The following FANCC variants were observed in gnomAD, a reference collection of about 807,000 sequenced individuals.
FANCC encodes FA complementation group C, also known as Fanconi anemia group C protein.
A neutral mutation model predicts 71.3 loss-of-function variants in FANCC; 55 were observed. That is an observed-to-expected ratio of 0.77 (90% CI 0.62 to 0.97). The LOEUF (loss-of-function observed/expected upper bound fraction) is 0.97. Ranked by LOEUF, FANCC falls within the 50% of genes least tolerant of loss-of-function variation. The pLI, the probability that FANCC is intolerant of heterozygous loss-of-function variation, is 0.00. For missense variants in FANCC, 678 were observed against 670.9 expected, an observed-to-expected ratio of 1.01 and a Z score of -0.12; for synonymous variants, 275 against 244.9, an observed-to-expected ratio of 1.12 and a Z score of -1.15.
At chr9:95,135,663 T>C in intron 7 of FANCC, 161 bp from the exon 8 acceptor site, 2 of 636,236 alleles carry the variant, frequency 3.1e-6, no homozygotes, top group Middle Eastern at 4.3e-4. Context: ...ATTTACCAAG[T>C]GCTCATTTGC....
chr9:95,206,023 G>A (rs1046296955), intron 4 of FANCC, among the ~76,000 whole-genome samples: 7 of 152,148 alleles, frequency 4.6e-5, no homozygotes, highest in Admixed American at 6.5e-5. Context: ...TTCAGCTTTT[G>A]TGCTGAAACA....
rs376447014 is a variant in FANCC, at chr9:95,247,537, T to G, written c.166-21A>C. The G allele has an allele frequency of 1.4e-5, 22 of 1,589,052 alleles. No homozygotes were observed. In the African/African-American group the frequency reaches 2.7e-4, roughly 19 times the overall value. Reference sequence around the variant, plus strand: ...GAATCCTGTGAAAGAAAAATAAATTTTGGTCAGTAAAGGCATTATGCAACT... The same window carrying G: ...GAATCCTGTGAAAGAAAAATAAATTGTGGTCAGTAAAGGCATTATGCAACT... On this transcript the variant is annotated intron_variant, in intron 2 of 14. Coordinates refer to ENST00000289081, the MANE Select transcript of FANCC (RefSeq NM_000136.3).
chr9:95,186,838 C>CTGGAGTGCAG (rs1166253624), intron 4 of FANCC, among the ~76,000 whole-genome samples: 13 of 146,778 alleles, frequency 8.9e-5, no homozygotes, highest in Non-Finnish European at 1.5e-4. Context: ...GTGGCCCAGG[C>CTGGAGTGCAG]TGGAGTGCAG....
chr9:95,268,436 C>T lies in FANCC; in HGVS notation c.-78-19067G>A, dbSNP rs7041673. 3.4e-3 allele frequency among the ~76,000 whole-genome samples: 520 copies of T among 152,320 alleles called. 4 individuals carry two copies. The highest frequency in any genetic ancestry group is 0.012 in the African/African-American group (492 of 41,576). On this transcript the variant is annotated intron_variant, in intron 1 of 14. Transcript: ENST00000289081. ...GTTACTACTAGCTGCTGCATGAACT[C>T]GATGGCTTTCACCTGTATTCCTTCA...
intron 7 of FANCC, among the ~76,000 whole-genome samples, chr9:95,143,871 G>T (rs1829128497): frequency 6.6e-6 from 1 of 152,166 alleles, no homozygotes; most frequent in Admixed American, 6.5e-5. Context: ...TTGACATTTA[G>T]GCCAAGAAAT....
intron 1 of FANCC, among the ~76,000 whole-genome samples, chr9:95,283,983 T>C (rs1427225151): frequency 1.3e-5 from 2 of 152,256 alleles, no homozygotes; most frequent in Non-Finnish European, 2.9e-5. Context: ...GTAGGGTTGC[T>C]GTGAATAATA....
chr9:95,103,839 C>T (rs1439474263), intron 14 of FANCC, among the ~76,000 whole-genome samples: 1 of 152,182 alleles, frequency 6.6e-6, no homozygotes, highest in Non-Finnish European at 1.5e-5. Context: ...ACCAGTGCGT[C>T]CTTTAGGTCA....
At position 95,120,185 on chromosome 9, in the gene FANCC, T is replaced by C. The variant is rs137875323; in HGVS notation, c.997-2795A>G. Among the ~76,000 whole-genome samples the C allele has an allele frequency of 7.9e-5, 12 of 152,346 alleles. No individual in the cohort carries two copies. The East Asian group carries it at 1.7e-3, about 22-fold the overall frequency. ...GCCCATGATCCTCTCAAATTAACTG[T>C]TGTGTGCTTTACAAGGTAATGTTTG... On this transcript the variant is annotated intron_variant, in intron 10 of 14. Transcript: ENST00000289081.
chr9:95,292,755 G>A, intron 1 of FANCC: 1 of 1,414,250 alleles, frequency 7.1e-7, no homozygotes, highest in Non-Finnish European at 1.0e-6. Flanking sequence ...CTGCCCCAGA[G>A]GCCCTGACAG....
chr9:95,111,436 A>G (rs749572066), intron 13 of FANCC, 27 bp downstream of exon 13: 1 of 1,606,226 alleles, frequency 6.2e-7, no homozygotes, highest in Non-Finnish European at 8.5e-7. Context: ...CCCACCCCAA[A>G]CACATGCAGT....
intron 6 of FANCC, among the ~76,000 whole-genome samples, chr9:95,165,073 TG>T (rs1403883294): frequency 6.6e-6 from 1 of 152,046 alleles, no homozygotes; most frequent in East Asian, 1.9e-4. Flanking sequence ...GGTATATAAT[TG>T]TTCATAGTAG....
At chr9:95,112,983 C>G (rs1179452287) in intron 12 of FANCC, among the ~76,000 whole-genome samples, 3 of 152,156 alleles carry the variant, frequency 2.0e-5, no homozygotes, top group Admixed American at 6.6e-5. Flanking sequence ...CCCAGGGCAC[C>G]CACTGCACAA....
chr9:95,231,842 G>A (rs2135997391), intron 4 of FANCC, among the ~76,000 whole-genome samples: 1 of 152,344 alleles, frequency 6.6e-6, no homozygotes, highest in African/African-American at 2.4e-5. Context: ...CTTTTGCCAA[G>A]ATCTTGTGGT....
chr9:95,111,610 C>A lies in FANCC; in HGVS notation c.1182G>T (p.Trp394Cys). 6.2e-7 allele frequency: 1 copy of A among 1,614,198 alleles called. No individual in the cohort carries two copies. The highest frequency in any genetic ancestry group is 8.5e-7 in the Non-Finnish European group (1 of 1,180,054). ...HGSCGGPFES[W>C]FLFIHFGGWA... ...ATCCTCCGAAGTGAATGAACAGGAA[C>A]CAGCTCTCAAAGGGACCTCCGCAGG... is the stretch of plus-strand genomic sequence containing the variant. Residue 394 changes from tryptophan (W) to cysteine (C), a missense_variant, in exon 13 of 15, where the codon TGG (tryptophan) becomes TGT (cysteine). Transcript: ENST00000289081.
At chr9:95,256,925 A>C (rs1831696932) in intron 1 of FANCC, among the ~76,000 whole-genome samples, 1 of 152,236 alleles carries the variant, frequency 6.6e-6, no homozygotes, top group Non-Finnish European at 1.5e-5. Context: ...AACAAAGATC[A>C]AAAAAGACAA....
intron 4 of FANCC, among the ~76,000 whole-genome samples, chr9:95,217,469 G>A (rs1478929019): frequency 2.0e-5 from 3 of 151,386 alleles, no homozygotes; most frequent in African/African-American, 7.3e-5. Context: ...GGGTGACGGT[G>A]AGACTCCATC....
intron 12 of FANCC, among the ~76,000 whole-genome samples, chr9:95,112,238 G>A (rs937755424): frequency 6.6e-6 from 1 of 152,238 alleles, no homozygotes; most frequent in Non-Finnish European, 1.5e-5. Flanking sequence ...CTAATTGTGT[G>A]CAGTGCCGGT....
chr9:95,297,332 G>A (rs116892199), intron 1 of FANCC, among the ~76,000 whole-genome samples: 6 of 152,270 alleles, frequency 3.9e-5, no homozygotes, highest in South Asian at 2.1e-4. Context: ...TACACTACTC[G>A]TGCTTTTATA....
chr9:95,229,297 C>CAAAAAAA (rs34502007), intron 4 of FANCC, among the ~76,000 whole-genome samples: 1 of 99,428 alleles, frequency 1.0e-5, no homozygotes, highest in African/African-American at 4.0e-5. Flanking sequence ...GATTCCTTCT[C>CAAAAAAA]AAAAAAAAAA....
Sources: gnomAD v4.1 joint callset for allele counts (sites outside exome capture counted in the v4.1 genomes callset) on GRCh38, gnomAD v4.1.1 for gene constraint, MANE v1.5 for transcripts, NCBI Gene and HGNC (gene_info 2026-07-23, HGNC 2026-07-21) for gene names.